The following CLTCL1 variants were observed in gnomAD, a reference collection of about 807,000 sequenced individuals.
CLTCL1 encodes the protein clathrin heavy chain like 1, also known as clathrin heavy chain 2.
CLTCL1 carries 159 observed loss-of-function variants against 190.0 expected under a neutral mutation model. The observed-to-expected ratio is 0.84, with a 90% confidence interval of 0.74 to 0.95. The LOEUF is 0.95. Ranked by LOEUF, CLTCL1 falls within the 40% of genes least tolerant of loss-of-function variation. The probability of loss-of-function intolerance (pLI) is 0.00; values close to 1 mark genes in which losing one functional copy is unlikely to be tolerated. For missense variants in CLTCL1, 1,878 were observed against 2,033.4 expected, an observed-to-expected ratio of 0.92 and a Z score of 1.47; for synonymous variants, 752 against 769.6, an observed-to-expected ratio of 0.98 and a Z score of 0.38.
At chr22:19,211,715 T>C (rs782364976) in intron 19 of CLTCL1, among the ~76,000 whole-genome samples, 13 of 144,334 alleles carry the variant, frequency 9.0e-5, no homozygotes, top group Non-Finnish European at 8.9e-5. Context: ...TGCAGTGAGC[T>C]GAGATTGCGC....
rs1555931867 is a variant in CLTCL1, at chr22:19,191,331, G to A, written c.4296C>T (p.His1432=). 1 of 1,614,018 alleles carries A rather than the reference G, an allele frequency of 6.2e-7. No individual in the cohort carries two copies. The highest frequency in any genetic ancestry group is 1.3e-5 in the African/African-American group (1 of 75,054). ...TTGAAAAGAAACTGACTGTCCAGGT[G>A]TGGTCCAGCCGGGGTGAAAGCACCA... ...LLLVLSPRLD[H]TWTVSFFSKA... Residue 1432 remains histidine, a synonymous_variant, in exon 27 of 33, where the codon CAC becomes CAT. Coordinates refer to ENST00000427926, the MANE Select transcript of CLTCL1 (RefSeq NM_007098.4).
rs753167812 is a variant in CLTCL1, at chr22:19,226,226, T to C, written c.1940A>G (p.Asn647Ser). 4 of 1,613,552 alleles carry C rather than the reference T, an allele frequency of 2.5e-6. No individual in the cohort carries two copies. In the African/African-American group the frequency reaches 5.3e-5, roughly 22 times the overall value. Residue 647 changes from asparagine to serine, a missense_variant, in exon 12 of 33, where the codon AAT (asparagine) becomes AGT (serine). Coordinates refer to ENST00000427926, the MANE Select transcript of CLTCL1 (RefSeq NM_007098.4). ...KRAVVHTHLL[N>S]PEWLVNFFGS... ...CCCAGGGGTACACAGTACCTCGGGA[T>C]TGAGGAGGTGAGTGTGGACCACAGC...
At chr22:19,268,513 C>T (rs572394137) in intron 2 of CLTCL1, among the ~76,000 whole-genome samples, 1 of 151,436 alleles carries the variant, frequency 6.6e-6, no homozygotes, top group Non-Finnish European at 1.5e-5. Context: ...ATAAGATGGA[C>T]AACACAATTA....
chr22:19,278,862 C>T (rs1204909146), intron 1 of CLTCL1, among the ~76,000 whole-genome samples: 2 of 152,180 alleles, frequency 1.3e-5, no homozygotes, highest in Non-Finnish European at 2.9e-5. Context: ...CAGCCTCAGC[C>T]TCCTGGGTAG....
chr22:19,230,172 C>A (rs2085877427), intron 10 of CLTCL1, among the ~76,000 whole-genome samples, 197 bp from the exon 11 acceptor site: 1 of 149,214 alleles, frequency 6.7e-6, no homozygotes, highest in Non-Finnish European at 1.5e-5. Flanking sequence ...TCTCAGCTCA[C>A]TCCAATCTCT....
At chr22:19,225,262 AG>A (rs2085703558) in intron 13 of CLTCL1, among the ~76,000 whole-genome samples, 190 bp downstream of exon 13, 1 of 152,212 alleles carries the variant, frequency 6.6e-6, no homozygotes, top group East Asian at 1.9e-4. Flanking sequence ...AATACCAAAA[AG>A]GTTACTGAAG....
Position 19,180,828 on chromosome 22 carries a change from T to G in CLTCL1, c.4828-22A>C, listed in dbSNP as rs370963729. ...CCACCTGCAAGGAGGCAAAAGCACG[T>G]GAGCACCCGCTTGACAGAGTGCAGT... is the stretch of plus-strand genomic sequence containing the variant. On this transcript the variant is annotated intron_variant, in intron 30 of 32. Coordinates refer to ENST00000427926, the MANE Select transcript of CLTCL1 (RefSeq NM_007098.4). The G allele has an allele frequency of 1.9e-6, 3 of 1,612,002 alleles. No homozygotes were observed. The African/African-American group carries it at 4.0e-5, about 22-fold the overall frequency.
At position 19,180,726 on chromosome 22, in the gene CLTCL1, C is replaced by T. The variant is rs782531204; in HGVS notation, c.4903+5G>A. 7 of 1,613,680 alleles carry T rather than the reference C, an allele frequency of 4.3e-6. No homozygotes were observed. The East Asian group carries it at 1.6e-4, about 36-fold the overall frequency. On this transcript the variant is annotated splice_donor_5th_base_variant and intron_variant, in intron 31 of 32. Transcript: ENST00000427926. ...AGGGGGTTGGGGGCTACAGGTGCCA[C>T]CTACCAAACACGAGAGGGGCAGGCT... is the stretch of plus-strand genomic sequence containing the variant.
intron 2 of CLTCL1, among the ~76,000 whole-genome samples, chr22:19,254,738 G>T (rs1555971706): frequency 1.3e-5 from 2 of 152,154 alleles, no homozygotes. Flanking sequence ...ATCCATCACA[G>T]CAGATAATAG....
intron 3 of CLTCL1, among the ~76,000 whole-genome samples, chr22:19,251,526 C>T (rs946239686): frequency 2.0e-5 from 3 of 152,290 alleles, no homozygotes; most frequent in East Asian, 1.9e-4. Context: ...GGTGCTATCT[C>T]GGTCACTGCA....
chr22:19,222,789 C>A lies in CLTCL1; in HGVS notation c.2313G>T (p.Gln771His). The change falls in exon 15 of 33, where the codon CAG becomes CAT. Residue 771 changes from glutamine (Q) to histidine (H), a missense_variant. By Grantham distance (24) the Gln-to-His change is conservative. Coordinates refer to ENST00000427926, the MANE Select transcript of CLTCL1 (RefSeq NM_007098.4). ...GATCACACACGATGATGAGGGGAAG[C>A]TGGTCTGTGAGCTTGGCCTCCTGAG... ...NFLKEAKLTD[Q>H]LPLIIVCDRF... The A allele has an allele frequency of 6.3e-7, 1 of 1,599,494 alleles. No homozygotes were observed. The highest frequency in any genetic ancestry group is 8.5e-7 in the Non-Finnish European group (1 of 1,173,070).
intron 1 of CLTCL1, among the ~76,000 whole-genome samples, chr22:19,277,859 G>A (rs1260131206): frequency 1.3e-5 from 2 of 152,158 alleles, no homozygotes; most frequent in Non-Finnish European, 2.9e-5. Flanking sequence ...AGTCCCATAA[G>A]ACTGACTACA....
rs180853110 is a variant in CLTCL1 at position 19,279,826 on chromosome 22, A to C, written c.43-3996T>G. Among the ~76,000 whole-genome samples the C allele has an allele frequency of 7.2e-4, 109 of 152,350 alleles. 1 individual carries two copies. The Middle Eastern group carries it at 0.014, about 19-fold the overall frequency. On this transcript the variant is annotated intron_variant, in intron 1 of 32. Coordinates refer to ENST00000427926, the MANE Select transcript of CLTCL1 (RefSeq NM_007098.4). Reference sequence around the variant, plus strand: ...AAATTCATTTTGAATCCATCAAAACATTTAGCACATAAAAGCCCAAACAAT... The same window carrying C: ...AAATTCATTTTGAATCCATCAAAACCTTTAGCACATAAAAGCCCAAACAAT...
chr22:19,193,655 CTG>C (rs1181854988), intron 26 of CLTCL1, among the ~76,000 whole-genome samples: 1 of 152,160 alleles, frequency 6.6e-6, no homozygotes, highest in East Asian at 1.9e-4. Flanking sequence ...CGGATTGTGT[CTG>C]TAATTTATTC....
chr22:19,189,875 A>G (rs1483242146), intron 27 of CLTCL1, among the ~76,000 whole-genome samples: 1 of 152,216 alleles, frequency 6.6e-6, no homozygotes, highest in Non-Finnish European at 1.5e-5. Flanking sequence ...GATATCCGTC[A>G]CCTCAAGCAT....
chr22:19,240,771 G>A (rs2086228374), intron 4 of CLTCL1, among the ~76,000 whole-genome samples: 1 of 152,214 alleles, frequency 6.6e-6, no homozygotes, highest in African/African-American at 2.4e-5. Flanking sequence ...ACAGTGACGA[G>A]AGAATAGAAT....
chr22:19,254,285 T>A lies in CLTCL1; in HGVS notation c.251-58A>T. 2.2e-6 allele frequency: 3 copies of A among 1,382,614 alleles called. No homozygotes were observed. The East Asian group carries it at 6.9e-5, about 32-fold the overall frequency. 85.6% of individuals were successfully genotyped at this position (1,382,614 alleles called of 1,614,324 possible). On this transcript the variant is annotated intron_variant, in intron 2 of 32. Transcript: ENST00000427926. Reference sequence around the variant, plus strand: ...ACAAATTAAAAATCTGAAAGACAAATTCATATACTCTTAATTCTGAATTCT... The same window carrying A: ...ACAAATTAAAAATCTGAAAGACAAAATCATATACTCTTAATTCTGAATTCT...
Position 19,208,186 on chromosome 22 carries a change from T to C in CLTCL1, c.3568A>G (p.Ile1190Val), listed in dbSNP as rs1555944044. The change falls in exon 22 of 33, where the codon ATT (isoleucine) becomes GTT (valine). Residue 1190 changes from isoleucine (I) to valine (V), a missense_variant. Transcript: ENST00000427926. ...TSRVSELEDF[I>V]NGPNNAHIQQ... ...ATGTGGGCATTGTTGGGTCCATTAA[T>C]AAAATCTTCTAGCTCAGAAACACGG... 9.3e-6 allele frequency: 15 copies of C among 1,613,858 alleles called. No homozygotes were observed. Among genetic ancestry groups the C allele is most frequent in the Non-Finnish European group, 1.2e-5 (14 of 1,179,880 alleles).
intron 27 of CLTCL1, 58 bp downstream of exon 27, chr22:19,191,246 A>C: frequency 1.2e-6 from 2 of 1,601,174 alleles, no homozygotes; most frequent in Non-Finnish European, 1.7e-6. Context: ...TATCATTCAG[A>C]TGACTTTGTT....
Sources: gnomAD v4.1 joint callset for allele counts (sites outside exome capture counted in the v4.1 genomes callset) on GRCh38, gnomAD v4.1.1 for gene constraint, MANE v1.5 for transcripts, NCBI Gene and HGNC (gene_info 2026-07-23, HGNC 2026-07-21) for gene names.